RELN: variants seen among roughly 807,000 people sequenced by gnomAD.
The protein encoded by RELN is reelin.
In RELN, 108 loss-of-function variants were observed where a neutral mutation model predicts 427.6. The ratio of observed to expected loss-of-function variants is 0.25; its 90% CI spans 0.22 to 0.30. The LOEUF (loss-of-function observed/expected upper bound fraction) is 0.30, where lower values mean the gene tolerates loss of function less well. Ranked by LOEUF, RELN falls within the 10% of genes least tolerant of loss-of-function variation. The pLI, the probability that RELN is intolerant of heterozygous loss-of-function variation, is 1.00. For synonymous variants in RELN, 1,524 were observed against 1,513.4 expected (o/e 1.01, Z -0.16); for missense variants, 3,715 against 4,302.8 (o/e 0.86, Z 3.82).
At chr7:103,537,089 A>C (rs573676787) in intron 45 of RELN, among the ~76,000 whole-genome samples, 2 of 152,316 alleles carry the variant, frequency 1.3e-5, no homozygotes, top group East Asian at 3.9e-4. Context: ...CTGGGTCCAA[A>C]ATTTAGAAGT....
intron 5 of RELN, among the ~76,000 whole-genome samples, chr7:103,752,464 C>T (rs1363530630): frequency 6.6e-6 from 1 of 151,880 alleles, no homozygotes; most frequent in African/African-American, 2.4e-5. Context: ...GGTTGGAGGA[C>T]AGTGTCACAA....
rs988934092 is a variant in RELN, at chr7:103,635,429, G to A, written c.2461C>T (p.Pro821Ser). ...EHYSYLSYHE[P>S]RIISVELPGD... is the part of the protein sequence containing the mutation. Reference sequence around the variant, plus strand: ...TCCAAATGCTTTCCAACATACCTGGGCTCATGATAGCTGAGATATGAATAA... The same window carrying A: ...TCCAAATGCTTTCCAACATACCTGGACTCATGATAGCTGAGATATGAATAA... The change falls in exon 19 of 65, where the codon CCC becomes TCC. Residue 821 changes from proline (P) to serine (S), a missense_variant. Coordinates refer to ENST00000428762, the MANE Select transcript of RELN (RefSeq NM_005045.4). The A allele has an allele frequency of 2.5e-6, 4 of 1,613,796 alleles. No individual in the cohort carries two copies. Among genetic ancestry groups the A allele is most frequent in the Non-Finnish European group, 3.4e-6 (4 of 1,179,860 alleles).
chr7:103,682,013 G>T, intron 11 of RELN, 103 bp downstream of exon 11: 1 of 1,109,500 alleles, frequency 9.0e-7, no homozygotes, highest in Non-Finnish European at 1.4e-6. Context: ...CATCAGTATT[G>T]ATCTAAGTAT....
chr7:103,719,107 T>C (rs963596002), intron 8 of RELN, among the ~76,000 whole-genome samples: 1 of 152,212 alleles, frequency 6.6e-6, no homozygotes, highest in Non-Finnish European at 1.5e-5. Flanking sequence ...TTAAATTAAA[T>C]GAGTTTAAAA....
chr7:103,892,510 G>A (rs894812401), intron 2 of RELN, among the ~76,000 whole-genome samples: 1 of 152,088 alleles, frequency 6.6e-6, no homozygotes, highest in African/African-American at 2.4e-5. Flanking sequence ...CACAGTCATG[G>A]GGAAATATAT....
At chr7:103,934,824 A>G (rs1041679466) in intron 1 of RELN, among the ~76,000 whole-genome samples, 3 of 152,218 alleles carry the variant, frequency 2.0e-5, no homozygotes, top group African/African-American at 7.2e-5. Context: ...CAGAATGGGA[A>G]TGGGAATAAG....
At chr7:103,597,796 C>A (rs1831572754) in intron 24 of RELN, among the ~76,000 whole-genome samples, 1 of 152,148 alleles carries the variant, frequency 6.6e-6, no homozygotes, top group Admixed American at 6.5e-5. Flanking sequence ...GAGTCCCCTG[C>A]AGGTCACAGT....
Position 103,876,729 on chromosome 7 carries a change from C to A in RELN, c.337+40346G>T, listed in dbSNP as rs527963042. ...TGATGCTTAATGCTAACTTAAAAATCCTCATTCAAAATATAAAAAAATTAT... is the reference window on the plus strand; with the variant it reads ...TGATGCTTAATGCTAACTTAAAAATACTCATTCAAAATATAAAAAAATTAT... On this transcript the variant is annotated intron_variant, in intron 2 of 64. Transcript: ENST00000428762. Among the ~76,000 whole-genome samples the A allele has an allele frequency of 6.6e-5, 10 of 151,922 alleles. No individual in the cohort carries two copies. The South Asian group carries it at 2.1e-3, about 32-fold the overall frequency.
chr7:103,972,989 CATG>C (rs1796796757), intron 1 of RELN, among the ~76,000 whole-genome samples: 1 of 151,832 alleles, frequency 6.6e-6, no homozygotes, highest in Non-Finnish European at 1.5e-5. Context: ...AGAATGTATT[CATG>C]ATGTCAGCAG....
chr7:103,862,979 G>T (rs1164966072), intron 2 of RELN, among the ~76,000 whole-genome samples: 1 of 152,100 alleles, frequency 6.6e-6, no homozygotes, highest in Non-Finnish European at 1.5e-5. Flanking sequence ...GTTACTGGGG[G>T]TCAGAATGTC....
chr7:103,833,974 G>T (rs1193985448), intron 2 of RELN, among the ~76,000 whole-genome samples: 3 of 152,194 alleles, frequency 2.0e-5, no homozygotes, highest in South Asian at 2.1e-4. Context: ...AGTTGAACAA[G>T]GTTAGATTTA....
intron 3 of RELN, among the ~76,000 whole-genome samples, chr7:103,801,035 C>T (rs2116310504): frequency 6.6e-6 from 1 of 152,216 alleles, no homozygotes; most frequent in South Asian, 2.1e-4. Flanking sequence ...AATGAGATAC[C>T]ATCTTACACC....
At chr7:103,823,255 T>C (rs1022906332) in intron 3 of RELN, among the ~76,000 whole-genome samples, 2 of 152,076 alleles carry the variant, frequency 1.3e-5, no homozygotes, top group Non-Finnish European at 2.9e-5. Context: ...AGAAACAGCA[T>C]ACTGCTGTAT....
At chr7:103,872,146 C>T (rs932449255) in intron 2 of RELN, among the ~76,000 whole-genome samples, 2 of 139,016 alleles carry the variant, frequency 1.4e-5, no homozygotes, top group African/African-American at 2.6e-5. Flanking sequence ...ATGTGCCATG[C>T]TGGTGCGCTG....
At chr7:103,804,828 T>G (rs1436096728) in intron 3 of RELN, among the ~76,000 whole-genome samples, 1 of 152,130 alleles carries the variant, frequency 6.6e-6, no homozygotes, top group Non-Finnish European at 1.5e-5. Context: ...CTTTTTGCAA[T>G]GTATTTTCTC....
rs190987284 is a variant in RELN at position 103,619,535 on chromosome 7, T to G, written c.2703-7732A>C. Among the ~76,000 whole-genome samples the G allele has an allele frequency of 2.2e-4, 33 of 152,388 alleles. No individual in the cohort carries two copies. The East Asian group carries it at 6.2e-3, about 28-fold the overall frequency. On this transcript the variant is annotated intron_variant, in intron 20 of 64. Transcript: ENST00000428762. Reference sequence around the variant, plus strand: ...AACAAATATATAGTTTTAAAGTTTATAGAAATTTGTTGGTGAGATCATGGT... The same window carrying G: ...AACAAATATATAGTTTTAAAGTTTAGAGAAATTTGTTGGTGAGATCATGGT...
At chr7:103,773,160 C>CTTTCT (rs1554416583) in intron 4 of RELN, among the ~76,000 whole-genome samples, 68 of 131,860 alleles carry the variant, frequency 5.2e-4, no homozygotes, top group African/African-American at 2.0e-3. Flanking sequence ...TTCTTTCTTT[C>CTTTCT]TTTCTTTTTC....
At chr7:103,484,046 A>T (rs921876127) in intron 61 of RELN, among the ~76,000 whole-genome samples, 196 bp from the exon 62 acceptor site, 1 of 151,768 alleles carries the variant, frequency 6.6e-6, no homozygotes. Flanking sequence ...CGCCTGGCTA[A>T]TTTTTGTATT....
At chr7:103,719,118 C>A (rs537225846) in intron 8 of RELN, among the ~76,000 whole-genome samples, 1 of 152,180 alleles carries the variant, frequency 6.6e-6, no homozygotes, top group Admixed American at 6.5e-5. Flanking sequence ...GAGTTTAAAA[C>A]CTCCATTTAA....
Sources: allele counts gnomAD v4.1 joint callset (sites outside exome capture counted in the v4.1 genomes callset), GRCh38; gene constraint gnomAD v4.1.1; transcripts MANE v1.5; gene names NCBI Gene and HGNC (gene_info 2026-07-23, HGNC 2026-07-21).